LRBA: variants seen among roughly 807,000 people sequenced by gnomAD.
LRBA encodes lipopolysaccharide-responsive and beige-like anchor protein.
Under a neutral mutation model 330.0 loss-of-function variants are expected in LRBA, and 176 were observed. That is an observed-to-expected ratio of 0.53 (90% CI 0.47 to 0.60). LRBA has a LOEUF of 0.60. Ranked by LOEUF, LRBA falls within the 20% of genes least tolerant of loss-of-function variation. The pLI, the probability that LRBA is intolerant of heterozygous loss-of-function variation, is 0.00. For missense variants in LRBA, 3,259 were observed against 3,444.8 expected (o/e 0.95, Z 1.35); for synonymous variants, 1,230 against 1,193.0 (o/e 1.03, Z -0.64).
chr4:150,805,449 A>AAAGGAAAGGAAAGGG (rs1742545543), intron 33 of LRBA, among the ~76,000 whole-genome samples: 3 of 74,368 alleles, frequency 4.0e-5, no homozygotes, highest in Non-Finnish European at 7.4e-5. Flanking sequence ...AAGGAAAGGG[A>AAAGGAAAGGAAAGGG]AAGGAAAGGA....
chr4:151,011,597 C>CAAAA (rs77338885), intron 2 of LRBA, among the ~76,000 whole-genome samples: 1 of 90,504 alleles, frequency 1.1e-5, no homozygotes, highest in Non-Finnish European at 2.4e-5. Flanking sequence ...GACTCTATCT[C>CAAAA]AAAAAAAAAA....
chr4:150,551,851 T>C (rs1285083723), intron 40 of LRBA, among the ~76,000 whole-genome samples: 2 of 152,130 alleles, frequency 1.3e-5, no homozygotes, highest in East Asian at 1.9e-4. Flanking sequence ...CGGATATACA[T>C]ATAATTTCTT....
Position 150,889,449 on chromosome 4 carries a change from T to C in LRBA, c.2165+3603A>G, listed in dbSNP as rs550729177. Among the ~76,000 whole-genome samples, 3 of 152,280 alleles carry C rather than the reference T, an allele frequency of 2.0e-5. No homozygotes were observed. The South Asian group carries it at 6.2e-4, about 32-fold the overall frequency. ...TGAGGTCAGGTGATCGAGACCATCCTGGCCAACAAAAATTAGTTGGGAACC... is the reference window on the plus strand; with the variant it reads ...TGAGGTCAGGTGATCGAGACCATCCCGGCCAACAAAAATTAGTTGGGAACC... On this transcript the variant is annotated intron_variant, in intron 17 of 56. Transcript: ENST00000651943.
At chr4:150,851,302 A>C (rs1750582128) in intron 23 of LRBA, among the ~76,000 whole-genome samples, 1 of 152,182 alleles carries the variant, frequency 6.6e-6, no homozygotes, top group Non-Finnish European at 1.5e-5. Context: ...ATAATGAAGA[A>C]CCAACCAACA....
chr4:150,811,899 A>C (rs1743791758), intron 31 of LRBA, among the ~76,000 whole-genome samples: 1 of 152,208 alleles, frequency 6.6e-6, no homozygotes, highest in Non-Finnish European at 1.5e-5. Context: ...AGCAGTAACA[A>C]AAATTATTTC....
chr4:150,316,123 T>C (rs929442707), intron 50 of LRBA, among the ~76,000 whole-genome samples: 1 of 152,156 alleles, frequency 6.6e-6, no homozygotes, highest in Non-Finnish European at 1.5e-5. Context: ...AATTGAAAGT[T>C]TGAATAAAAA....
chr4:150,781,472 G>A (rs753508877), intron 34 of LRBA, among the ~76,000 whole-genome samples: 3 of 152,320 alleles, frequency 2.0e-5, no homozygotes, highest in African/African-American at 2.4e-5. Context: ...GATAGGGAGC[G>A]GCTATAAATA....
At chr4:150,310,448 G>A in intron 51 of LRBA, 64 bp from the exon 52 acceptor site, 1 of 1,052,470 alleles carries the variant, frequency 9.5e-7, no homozygotes, top group Non-Finnish European at 1.4e-6. Context: ...CTATAGTGAG[G>A]GAGAAGAGGA....
chr4:150,948,789 C>T (rs890312596), intron 2 of LRBA, among the ~76,000 whole-genome samples: 10 of 151,720 alleles, frequency 6.6e-5, no homozygotes, highest in Admixed American at 5.3e-4. Context: ...TGCAGAAGAA[C>T]GTTTCACCAA....
At chr4:150,838,917 T>G (rs1390926409) in intron 28 of LRBA, among the ~76,000 whole-genome samples, 1 of 152,186 alleles carries the variant, frequency 6.6e-6, no homozygotes, top group African/African-American at 2.4e-5. Flanking sequence ...GAAGAGCTTC[T>G]GTACAGCAAA....
At chr4:150,551,703 C>T (rs1034551247) in intron 40 of LRBA, among the ~76,000 whole-genome samples, 2 of 151,806 alleles carry the variant, frequency 1.3e-5, no homozygotes, top group African/African-American at 4.8e-5. Context: ...CTTAGGAATA[C>T]ACCCTGATTG....
At chr4:150,307,579 G>GC (rs1156799352) in intron 52 of LRBA, among the ~76,000 whole-genome samples, 1 of 149,928 alleles carries the variant, frequency 6.7e-6, no homozygotes. Flanking sequence ...AAAAAAAAAA[G>GC]CAAAAAAAAC....
chr4:150,450,879 C>A (rs1369461193), intron 44 of LRBA, among the ~76,000 whole-genome samples: 1 of 151,876 alleles, frequency 6.6e-6, no homozygotes, highest in Non-Finnish European at 1.5e-5. Context: ...ACTGAAAATA[C>A]AATTAGCTGG....
intron 40 of LRBA, among the ~76,000 whole-genome samples, chr4:150,562,596 A>C (rs1768513990): frequency 1.3e-5 from 2 of 152,220 alleles, no homozygotes; most frequent in African/African-American, 4.8e-5. Flanking sequence ...GAGAGAACTA[A>C]GCAAACAAAC....
At chr4:150,718,851 C>T (rs577560323) in intron 36 of LRBA, among the ~76,000 whole-genome samples, 10 of 152,066 alleles carry the variant, frequency 6.6e-5, no homozygotes, top group African/African-American at 2.4e-4. Flanking sequence ...CCTATTCACA[C>T]GGTCTTTAGA....
At chr4:150,829,722 G>A (rs887001148) in intron 29 of LRBA, among the ~76,000 whole-genome samples, 1 of 152,052 alleles carries the variant, frequency 6.6e-6, no homozygotes, top group Non-Finnish European at 1.5e-5. Flanking sequence ...TAGTCCCTTC[G>A]TGGTATCATT....
chr4:150,302,585 A>C, intron 53 of LRBA, 40 bp downstream of exon 53: 1 of 1,495,290 alleles, frequency 6.7e-7, no homozygotes, highest in Non-Finnish European at 9.2e-7. Flanking sequence ...TATTCTCTAC[A>C]TCCTTGTAAA....
intron 48 of LRBA, among the ~76,000 whole-genome samples, chr4:150,331,807 T>C (rs1202424668): frequency 6.6e-6 from 1 of 152,128 alleles, no homozygotes; most frequent in Middle Eastern, 3.2e-3. Flanking sequence ...TTCCAAATCC[T>C]TACCCTGGGT....
intron 40 of LRBA, among the ~76,000 whole-genome samples, chr4:150,576,966 G>A (rs1207368580): frequency 1.3e-5 from 2 of 151,794 alleles, no homozygotes; most frequent in Admixed American, 1.3e-4. Flanking sequence ...TATTTTGTGA[G>A]GGGGGAAGAA....
Sources: allele counts gnomAD v4.1 joint callset (sites outside exome capture counted in the v4.1 genomes callset), GRCh38; gene constraint gnomAD v4.1.1; transcripts MANE v1.5; gene names NCBI Gene and HGNC (gene_info 2026-07-23, HGNC 2026-07-21).